COL4A6: variants seen among roughly 807,000 people sequenced by gnomAD.
The protein encoded by COL4A6 is collagen alpha-6(IV) chain.
COL4A6 carries 59 observed loss-of-function variants against 126.7 expected under a neutral mutation model. That is an observed-to-expected ratio of 0.47 (90% CI 0.38 to 0.58). The LOEUF (loss-of-function observed/expected upper bound fraction) is 0.58. Ranked by LOEUF, COL4A6 falls within the 20% of genes least tolerant of loss-of-function variation. The pLI, the probability that COL4A6 is intolerant of heterozygous loss-of-function variation, is 0.00. For synonymous variants in COL4A6, 547 were observed against 496.6 expected (o/e 1.10, Z -1.35); for missense variants, 1,285 against 1,337.3 (o/e 0.96, Z 0.61).
At chrX:108,273,561 G>C (rs1400142032) in intron 3 of COL4A6, among the ~76,000 whole-genome samples, 1 of 112,229 alleles carries the variant, frequency 8.9e-6, no homozygotes, top group East Asian at 2.8e-4. Context: ...ACTCACAATA[G>C]CAAAGACTTG....
intron 2 of COL4A6, among the ~76,000 whole-genome samples, chrX:108,375,375 GTAT>G (rs1339464488): frequency 8.9e-6 from 1 of 111,818 alleles, no homozygotes; most frequent in African/African-American, 3.2e-5. Flanking sequence ...GAAAGAAAGA[GTAT>G]TATCCTAAAA....
intron 2 of COL4A6, among the ~76,000 whole-genome samples, chrX:108,340,330 A>T (rs1358826166): frequency 9.0e-6 from 1 of 111,725 alleles, no homozygotes; most frequent in Non-Finnish European, 1.9e-5. Flanking sequence ...ATTTTAATTA[A>T]TTAAAGTTTT....
chrX:108,426,059 A>T lies in COL4A6; in HGVS notation c.63+11883T>A, dbSNP rs374213848. Reference sequence around the variant, plus strand: ...GTGCTAGACGGTATTTATGCAACTTAATCATATCTAAAAGACAATATAAAT... The same window carrying T: ...GTGCTAGACGGTATTTATGCAACTTTATCATATCTAAAAGACAATATAAAT... On this transcript the variant is annotated intron_variant, in intron 2 of 44. Coordinates refer to ENST00000334504, the MANE Select transcript of COL4A6 (RefSeq NM_033641.4). Among the ~76,000 whole-genome samples the T allele has an allele frequency of 4.5e-5, 5 of 111,555 alleles. No homozygotes were observed. In the East Asian group the frequency reaches 1.1e-3, roughly 25 times the overall value.
At chrX:108,298,767 C>T (rs1432151172) in intron 3 of COL4A6, among the ~76,000 whole-genome samples, 1 of 109,353 alleles carries the variant, frequency 9.1e-6, no homozygotes, top group African/African-American at 3.3e-5. Flanking sequence ...ACATTGCAGG[C>T]TCTGGTGCCT....
intron 2 of COL4A6, among the ~76,000 whole-genome samples, chrX:108,402,133 T>G (rs1311144092): frequency 9.0e-6 from 1 of 111,194 alleles, no homozygotes. Context: ...ATGGAATAAG[T>G]TGGTGGGGTA....
At chrX:108,183,829 A>C in intron 23 of COL4A6, 1 of 789,222 alleles carries the variant, frequency 1.3e-6, no homozygotes, top group Non-Finnish European at 1.6e-6. Flanking sequence ...CTTGGGGCCC[A>C]AGGGAAGTCT....
chrX:108,226,440 T>C (rs975305189), intron 3 of COL4A6, among the ~76,000 whole-genome samples: 2 of 111,148 alleles, frequency 1.8e-5, no homozygotes, highest in Non-Finnish European at 1.9e-5. Context: ...TCCTTTTACA[T>C]AGCAATGGTG....
chrX:108,361,968 G>T lies in COL4A6; in HGVS notation c.64-51140C>A, dbSNP rs752718774. Among the ~76,000 whole-genome samples, 13 of 111,521 alleles carry T rather than the reference G, an allele frequency of 1.2e-4. No homozygotes were observed. The East Asian group carries it at 3.4e-3, about 29-fold the overall frequency. On this transcript the variant is annotated intron_variant, in intron 2 of 44. Coordinates refer to ENST00000334504, the MANE Select transcript of COL4A6 (RefSeq NM_033641.4). ...TAATAATGTAACGTATATTGTTCTG[G>T]TTCCATTCCTAGATCTAACATTAAG... is the stretch of plus-strand genomic sequence containing the variant.
chrX:108,184,527 G>A (rs1156917655), intron 23 of COL4A6, among the ~76,000 whole-genome samples: 1 of 111,888 alleles, frequency 8.9e-6, no homozygotes, highest in African/African-American at 3.3e-5. Context: ...TATAAAGCAA[G>A]GTTGCTTTAG....
chrX:108,210,088 C>CA (rs2035659429), intron 7 of COL4A6, 84 bp from the exon 8 acceptor site: 2 of 969,175 alleles, frequency 2.1e-6, no homozygotes, highest in Admixed American at 5.0e-5. Context: ...TTTATAGGGA[C>CA]AAAAACACAT....
At chrX:108,332,745 T>C (rs183297997) in intron 2 of COL4A6, among the ~76,000 whole-genome samples, 4 of 110,986 alleles carry the variant, frequency 3.6e-5, no homozygotes, top group Non-Finnish European at 5.7e-5. Context: ...TTCTAGACAT[T>C]AGATGCATAG....
intron 3 of COL4A6, among the ~76,000 whole-genome samples, chrX:108,233,011 A>G (rs2036347552): frequency 1.8e-5 from 2 of 112,190 alleles, no homozygotes; most frequent in South Asian, 7.5e-4. Context: ...TAAAGCTGTG[A>G]AAGTTGGGAG....
At chrX:108,241,024 G>A (rs181834860) in intron 3 of COL4A6, among the ~76,000 whole-genome samples, 3 of 111,013 alleles carry the variant, frequency 2.7e-5, no homozygotes, top group East Asian at 5.7e-4. Flanking sequence ...TGATGATAAT[G>A]TTCTGTATCT....
intron 2 of COL4A6, among the ~76,000 whole-genome samples, chrX:108,370,662 A>G (rs755064920): frequency 7.2e-5 from 8 of 111,213 alleles, no homozygotes; most frequent in Non-Finnish European, 1.3e-4. Flanking sequence ...CCAAATTGCT[A>G]TAATTGCAAC....
intron 37 of COL4A6, among the ~76,000 whole-genome samples, chrX:108,165,982 C>T (rs895308901): frequency 8.9e-6 from 1 of 112,641 alleles, no homozygotes; most frequent in African/African-American, 3.2e-5. Flanking sequence ...AATGCGGTGC[C>T]TCTGTGTCTT....
chrX:108,348,200 A>G (rs193032269), intron 2 of COL4A6, among the ~76,000 whole-genome samples: 57 of 112,371 alleles, frequency 5.1e-4, no homozygotes, highest in African/African-American at 1.8e-3. Flanking sequence ...CCCCATTAGC[A>G]GTATTATCTT....
chrX:108,346,226 C>T (rs1030605050), intron 2 of COL4A6, among the ~76,000 whole-genome samples: 1 of 111,424 alleles, frequency 9.0e-6, no homozygotes, highest in African/African-American at 3.3e-5. Context: ...GTGTGTGAAG[C>T]GCTTCAAGTG....
At chrX:108,395,390 G>C (rs372250698) in intron 2 of COL4A6, among the ~76,000 whole-genome samples, 32 of 111,662 alleles carry the variant, frequency 2.9e-4, no homozygotes, top group African/African-American at 8.5e-4. Flanking sequence ...TGCCCCATCA[G>C]CCAAAGGAAC....
chrX:108,383,329 G>T, intron 2 of COL4A6: 1 of 252,255 alleles, frequency 4.0e-6, no homozygotes, highest in Non-Finnish European at 7.7e-6. Flanking sequence ...CCATCAGAAA[G>T]ACATAACAAT....
Sources: gnomAD v4.1 joint callset for allele counts (sites outside exome capture counted in the v4.1 genomes callset) on GRCh38, gnomAD v4.1.1 for gene constraint, MANE v1.5 for transcripts, NCBI Gene and HGNC (gene_info 2026-07-23, HGNC 2026-07-21) for gene names.